DPP6: variants seen among roughly 807,000 people sequenced by gnomAD.
The protein encoded by DPP6 is A-type potassium channel modulatory protein DPP6.
Under a neutral mutation model 122.6 loss-of-function variants are expected in DPP6, and 69 were observed. That is an observed-to-expected ratio of 0.56 (90% CI 0.46 to 0.69). The LOEUF is 0.69. Among genes scored for constraint, DPP6 ranks in the 30% least tolerant of loss-of-function variants. The pLI is 0.00. For missense variants in DPP6, 928 were observed against 1,116.9 expected, an observed-to-expected ratio of 0.83 and a Z score of 2.41; for synonymous variants, 418 against 433.1, an observed-to-expected ratio of 0.97 and a Z score of 0.43.
At chr7:154,866,903 G>A (rs1803916535) in intron 17 of DPP6, among the ~76,000 whole-genome samples, 1 of 151,622 alleles carries the variant, frequency 6.6e-6, no homozygotes, top group African/African-American at 2.4e-5. Context: ...TCCACACAAA[G>A]CCACACGTCC....
intron 6 of DPP6, among the ~76,000 whole-genome samples, chr7:154,668,883 G>T (rs56017577): frequency 6.6e-6 from 1 of 151,940 alleles, no homozygotes; most frequent in Non-Finnish European, 1.5e-5. Flanking sequence ...TCTCTCTCTC[G>T]ACTTGTATCT....
rs62484149 is a variant in DPP6, at chr7:154,241,221, A to C, written c.243+188158A>C. 6.1e-3 allele frequency among the ~76,000 whole-genome samples: 572 copies of C among 93,624 alleles called. 3 individuals are homozygous for C. The highest frequency in any genetic ancestry group is 0.023 in the African/African-American group (518 of 22,610). 61.4% of individuals were successfully genotyped at this position (93,624 alleles called of 152,430 possible). ...TGTGTGTGTGTGTGTGTGTGTGTGT[A>C]TATATATATAGAGAGAGAGAGAGAC... On this transcript the variant is annotated intron_variant, in intron 1 of 25. Transcript: ENST00000377770. This position sits in a 1 kb window ranked among gnomAD's most constrained non-coding sequence, Gnocchi z 9.0.
intron 1 of DPP6, among the ~76,000 whole-genome samples, chr7:154,259,040 G>A (rs567039537): frequency 3.2e-4 from 49 of 152,152 alleles, no homozygotes; most frequent in Non-Finnish European, 6.3e-4. Flanking sequence ...GAAATCGGAC[G>A]GAAGTAACAC....
intron 6 of DPP6, among the ~76,000 whole-genome samples, chr7:154,646,774 C>G (rs11771467): frequency 0.12 from 18,185 of 152,138 alleles, 1,411 homozygotes; most frequent in Non-Finnish European, 0.17. Flanking sequence ...GACACTGTGA[C>G]TTTGAATTGC....
At chr7:154,796,196 C>A in intron 12 of DPP6, 1 of 352,736 alleles carries the variant, frequency 2.8e-6, no homozygotes, top group Non-Finnish European at 5.1e-6. Flanking sequence ...ATGAACAGTC[C>A]ATCAAAGGTG....
chr7:154,506,666 A>G (rs1313180674), intron 3 of DPP6, among the ~76,000 whole-genome samples: 1 of 152,152 alleles, frequency 6.6e-6, no homozygotes, highest in East Asian at 1.9e-4. Context: ...TCATGGATAT[A>G]ATGCTAAAGG....
At chr7:153,752,268 T>TTTTTA in the DPP6 span, among the ~76,000 whole-genome samples, 2 of 135,778 alleles carry the variant, frequency 1.5e-5, no homozygotes, top group African/African-American at 5.6e-5. Context: ...TTTTTTTTTT[T>TTTTTA]GAGACCGAGT....
chr7:154,845,561 T>C (rs1468907788), intron 16 of DPP6, among the ~76,000 whole-genome samples: 7 of 152,156 alleles, frequency 4.6e-5, no homozygotes, highest in Non-Finnish European at 1.0e-4. Flanking sequence ...ATATGTAACG[T>C]AAATGGCGAG....
rs1306870263 is a variant in DPP6, at chr7:154,751,615, A to G, written c.884-17802A>G. Among the ~76,000 whole-genome samples, 3 of 151,668 alleles carry G rather than the reference A, an allele frequency of 2.0e-5. No individual in the cohort carries two copies. The East Asian group carries it at 5.8e-4, about 29-fold the overall frequency. On this transcript the variant is annotated intron_variant, in intron 8 of 25. Coordinates refer to ENST00000377770, the MANE Select transcript of DPP6 (RefSeq NM_130797.4). ...ACAGAGTGAGACTCTGTCTCAAAAA[A>G]AAAAAAAAAAAAGAAAATGAAACTC...
intron 1 of DPP6, among the ~76,000 whole-genome samples, chr7:153,921,242 G>C (rs1013292177): frequency 2.0e-5 from 3 of 152,222 alleles, no homozygotes; most frequent in Non-Finnish European, 4.4e-5. Context: ...GTGGATGCTC[G>C]GCAAGAGCCG....
At chr7:154,063,551 C>T (rs1802402619) in intron 1 of DPP6, among the ~76,000 whole-genome samples, 2 of 125,700 alleles carry the variant, frequency 1.6e-5, no homozygotes, top group Admixed American at 1.7e-4. Flanking sequence ...AGGGTGGGGA[C>T]TGAGAGCTAT....
rs532655926 is a variant in DPP6, at chr7:154,654,403, A to ATCTTTCTT, written c.681-14935_681-14928dup. ...TCTGCCTGAAAACATCTATATCCAAATCTTTCTTTCTTTCTTTCTTTCTTT... is the reference window on the plus strand; with the variant it reads ...TCTGCCTGAAAACATCTATATCCAAATCTTTCTTTCTTTCTTTCTTTCTTTCTTTCTTT... On this transcript the variant is annotated intron_variant, in intron 6 of 25. Coordinates refer to ENST00000377770, the MANE Select transcript of DPP6 (RefSeq NM_130797.4). Among the ~76,000 whole-genome samples, 299 of 37,310 alleles carry ATCTTTCTT rather than the reference A, an allele frequency of 8.0e-3. 25 individuals carry two copies. The highest frequency in any genetic ancestry group is 0.021 in the South Asian group (12 of 584). 24.5% of individuals were successfully genotyped at this position (37,310 alleles called of 152,430 possible).
At chr7:154,100,970 G>A (rs1404733201) in intron 1 of DPP6, among the ~76,000 whole-genome samples, 3 of 139,728 alleles carry the variant, frequency 2.1e-5, no homozygotes, top group African/African-American at 2.5e-5. Context: ...CCCCGTGACC[G>A]TGCAGCGTGC....
the DPP6 span, among the ~76,000 whole-genome samples, chr7:153,774,864 C>CCTTGAGCCCAGGAGGATCT: frequency 6.6e-6 from 1 of 151,974 alleles, no homozygotes; most frequent in African/African-American, 2.4e-5. Context: ...ACTTAGGATC[C>CCTTGAGCCCAGGAGGATCT]CTTGAGCCCA....
chr7:154,735,071 G>C (rs1842512304), intron 8 of DPP6, among the ~76,000 whole-genome samples: 1 of 152,188 alleles, frequency 6.6e-6, no homozygotes, highest in Admixed American at 6.5e-5. Flanking sequence ...ATACCTATCA[G>C]TGTTGAAAAC....
chr7:153,869,299 A>G, the DPP6 span, among the ~76,000 whole-genome samples: 1 of 152,206 alleles, frequency 6.6e-6, no homozygotes, highest in Non-Finnish European at 1.5e-5. Context: ...GTCTCTTTGT[A>G]GGTCACTAAG....
At chr7:154,551,457 T>C (rs1285794958) in intron 4 of DPP6, among the ~76,000 whole-genome samples, 1 of 152,212 alleles carries the variant, frequency 6.6e-6, no homozygotes, top group Non-Finnish European at 1.5e-5. Flanking sequence ...TCTAAACATT[T>C]ATCTTTTTCT....
chr7:154,201,970 C>T (rs548562187), intron 1 of DPP6, among the ~76,000 whole-genome samples: 8 of 152,134 alleles, frequency 5.3e-5, no homozygotes, highest in Non-Finnish European at 8.8e-5. Flanking sequence ...AATAAGGCAG[C>T]GCATCTCAAA....
chr7:154,203,605 A>G (rs2150790775), intron 1 of DPP6, among the ~76,000 whole-genome samples: 1 of 152,336 alleles, frequency 6.6e-6, no homozygotes, highest in African/African-American at 2.4e-5. Context: ...CAAGCAAGCG[A>G]CATATCCTAA....
Sources: gnomAD v4.1 joint callset for allele counts (sites outside exome capture counted in the v4.1 genomes callset) on GRCh38, gnomAD v4.1.1 for gene constraint, Gnocchi (gnomAD v3.1) non-coding constraint, MANE v1.5 for transcripts, NCBI Gene and HGNC (gene_info 2026-07-23, HGNC 2026-07-21) for gene names.